Variants in EPB41L2 observed in about 807,000 individuals in gnomAD.
The protein encoded by EPB41L2 is band 4.1-like protein 2.
A neutral mutation model predicts 113.0 loss-of-function variants in EPB41L2; 43 were observed. That is an observed-to-expected ratio of 0.38 (90% CI 0.30 to 0.49). EPB41L2 has a LOEUF of 0.49. Ranked by LOEUF, EPB41L2 falls within the 20% of genes least tolerant of loss-of-function variation. The probability of loss-of-function intolerance (pLI) is 0.95; values close to 1 mark genes in which losing one functional copy is unlikely to be tolerated. For missense variants in EPB41L2, 1,147 were observed against 1,223.4 expected (o/e 0.94, Z 0.93); for synonymous variants, 442 against 436.7 (o/e 1.01, Z -0.15).
intron 4 of EPB41L2, among the ~76,000 whole-genome samples, chr6:130,919,976 A>ATT (rs397970115): frequency 5.4e-5 from 8 of 148,970 alleles, no homozygotes; most frequent in African/African-American, 2.0e-4. Context: ...CTCAACTAAG[A>ATT]TTTTTTTTTT....
intron 1 of EPB41L2, among the ~76,000 whole-genome samples, chr6:130,958,105 G>A (rs1471190729): frequency 2.0e-5 from 3 of 152,144 alleles, no homozygotes; most frequent in Non-Finnish European, 4.4e-5. Context: ...AGGAGCTAAG[G>A]GAGTGAGGGC....
chr6:130,989,809 A>G (rs1176501874), intron 1 of EPB41L2, among the ~76,000 whole-genome samples: 1 of 152,228 alleles, frequency 6.6e-6, no homozygotes, highest in African/African-American at 2.4e-5. Flanking sequence ...GGATAAATTC[A>G]AGAAATATTC....
chr6:130,972,548 GT>G (rs201920325), intron 1 of EPB41L2, among the ~76,000 whole-genome samples: 70 of 146,462 alleles, frequency 4.8e-4, no homozygotes, highest in South Asian at 1.1e-3. Flanking sequence ...TAAATTCTGG[GT>G]TTTTTTTTTT....
chr6:130,925,436 G>C (rs768081899), intron 4 of EPB41L2, among the ~76,000 whole-genome samples: 5 of 151,956 alleles, frequency 3.3e-5, no homozygotes, highest in Non-Finnish European at 7.4e-5. Flanking sequence ...TGATCCGCCC[G>C]CCTCGGCCTC....
At chr6:130,961,566 A>G (rs1773539789) in intron 1 of EPB41L2, among the ~76,000 whole-genome samples, 1 of 152,228 alleles carries the variant, frequency 6.6e-6, no homozygotes, top group Admixed American at 6.5e-5. Flanking sequence ...ATACTACAGC[A>G]AGCAAAGCAA....
At chr6:130,841,759 G>A (rs1323246451) in intron 19 of EPB41L2, among the ~76,000 whole-genome samples, 1 of 152,198 alleles carries the variant, frequency 6.6e-6, no homozygotes, top group African/African-American at 2.4e-5. Context: ...CTTACAGCCT[G>A]GGTGAAGCAT....
intron 1 of EPB41L2, among the ~76,000 whole-genome samples, chr6:131,053,447 A>T (rs982785612): frequency 1.3e-5 from 2 of 151,016 alleles, no homozygotes; most frequent in African/African-American, 4.8e-5. Flanking sequence ...AAAAAAAAAA[A>T]AAAAAAAAAA....
At chr6:130,925,192 T>TTTC (rs1239852640) in intron 4 of EPB41L2, among the ~76,000 whole-genome samples, 4 of 145,346 alleles carry the variant, frequency 2.8e-5, no homozygotes, top group African/African-American at 7.7e-5. Flanking sequence ...TTTCTTTTCT[T>TTTC]TTTTTTTTTT....
chr6:130,981,732 T>G (rs1180341187), intron 1 of EPB41L2, among the ~76,000 whole-genome samples: 1 of 152,188 alleles, frequency 6.6e-6, no homozygotes, highest in Non-Finnish European at 1.5e-5. Flanking sequence ...AACTGTTTAG[T>G]GGAACTGTCT....
intron 8 of EPB41L2, among the ~76,000 whole-genome samples, chr6:130,898,569 T>A (rs888826389): frequency 2.6e-5 from 4 of 152,226 alleles, no homozygotes; most frequent in Admixed American, 6.5e-5. Flanking sequence ...ATGTAAGTGA[T>A]ATTGTTACTG....
intron 1 of EPB41L2, among the ~76,000 whole-genome samples, chr6:130,999,866 G>T (rs758790569): frequency 4.6e-5 from 7 of 152,132 alleles, no homozygotes; most frequent in Non-Finnish European, 8.8e-5. Context: ...CAGCTTTTTA[G>T]AATATCCTGA....
chr6:131,059,427 A>T (rs961190310), intron 1 of EPB41L2, among the ~76,000 whole-genome samples: 1 of 152,202 alleles, frequency 6.6e-6, no homozygotes, highest in Non-Finnish European at 1.5e-5. Context: ...ATTCCTAAAC[A>T]ACTCTAATAG....
chr6:130,929,926 C>T (rs972029250), intron 3 of EPB41L2, among the ~76,000 whole-genome samples: 1 of 149,208 alleles, frequency 6.7e-6, no homozygotes, highest in African/African-American at 2.5e-5. Flanking sequence ...GTGGTATAAA[C>T]AGTAGGAAAG....
chr6:130,946,550 C>T (rs1812881132), intron 3 of EPB41L2, among the ~76,000 whole-genome samples: 1 of 151,786 alleles, frequency 6.6e-6, no homozygotes, highest in African/African-American at 2.4e-5. Context: ...TATCTAATTC[C>T]TGAAGTTTAG....
Position 130,955,270 on chromosome 6 carries a change from T to C in EPB41L2, c.540A>G (p.Thr180=), listed in dbSNP as rs1448371926. Residue 180 remains threonine (T), a synonymous_variant, in exon 3 of 20, where the codon ACA becomes ACG. Transcript: ENST00000337057. ...CTCCTCCTTCTAATTTGTCTTCCTG[T>C]GTTTCTTTTACCTTCTCTTCTCTCT... The part of the protein sequence containing the change: ...SKEREEKVKE[T]QEDKLEGGAA... 6.2e-7 allele frequency: 1 copy of C among 1,614,198 alleles called. No individual in the cohort carries two copies. The highest frequency in any genetic ancestry group is 1.7e-5 in the Admixed American group (1 of 60,022).
At chr6:130,877,909 T>C (rs1367048826) in intron 14 of EPB41L2, among the ~76,000 whole-genome samples, 195 bp downstream of exon 14, 2 of 152,182 alleles carry the variant, frequency 1.3e-5, no homozygotes, top group Non-Finnish European at 2.9e-5. Flanking sequence ...TTGAAACTCA[T>C]GCAATTTACC....
At chr6:131,001,580 C>G (rs1164448810) in intron 1 of EPB41L2, among the ~76,000 whole-genome samples, 1 of 152,120 alleles carries the variant, frequency 6.6e-6, no homozygotes, top group South Asian at 2.1e-4. Context: ...TCATCTCTAC[C>G]GGAGTTTCCC....
At chr6:130,846,205 C>T (rs1415560024) in intron 19 of EPB41L2, among the ~76,000 whole-genome samples, 3 of 152,140 alleles carry the variant, frequency 2.0e-5, no homozygotes, top group Admixed American at 6.6e-5. Flanking sequence ...TTACTGTCTC[C>T]ATCATTTTAC....
intron 10 of EPB41L2, among the ~76,000 whole-genome samples, chr6:130,891,516 T>C (rs942987384): frequency 6.6e-6 from 1 of 152,174 alleles, no homozygotes; most frequent in Non-Finnish European, 1.5e-5. Context: ...TGTTGCAATC[T>C]CGGCTCACTG....
Sources: gnomAD v4.1 joint callset for allele counts (sites outside exome capture counted in the v4.1 genomes callset) on GRCh38, gnomAD v4.1.1 for gene constraint, MANE v1.5 for transcripts, NCBI Gene and HGNC (gene_info 2026-07-23, HGNC 2026-07-21) for gene names.